CSMD1: variants seen among roughly 807,000 people sequenced by gnomAD.
CSMD1 encodes the protein CUB and sushi domain-containing protein 1.
In CSMD1, 213 loss-of-function variants were observed where a neutral mutation model predicts 417.5. The observed-to-expected ratio is 0.51, with a 90% CI of 0.46 to 0.57. The LOEUF is 0.57. CSMD1 is among the 20% of genes least tolerant of loss of function. The probability of loss-of-function intolerance (pLI) is 0.00; values close to 1 mark genes in which losing one functional copy is unlikely to be tolerated. For missense variants in CSMD1, 6,923 were observed against 4,529.7 expected, an observed-to-expected ratio of 1.53 and a Z score of -15.17; for synonymous variants, 2,862 against 1,736.8, an observed-to-expected ratio of 1.65 and a Z score of -16.11.
chr8:3,108,733 C>A lies in CSMD1; in HGVS notation c.6624G>T (p.Gln2208His), dbSNP rs1295333078. The change falls in exon 44 of 70, where the codon CAG becomes CAT. Residue 2208 changes from glutamine (Q) to histidine (H), a missense_variant. Coordinates refer to ENST00000635120, the MANE Select transcript of CSMD1 (RefSeq NM_033225.6). The part of the protein sequence containing the change: ...DYIAVWDGPD[Q>H]NSPQLGVFSG... The stretch of plus-strand genomic sequence containing the variant: ...TGAAAACTCCCAGCTGGGGTGAGTT[C>A]TGATCGGGACCGTCCCTAGGAAAGA... 1 of 1,613,180 alleles carries A rather than the reference C, an allele frequency of 6.2e-7. No individual in the cohort carries two copies. The highest frequency in any genetic ancestry group is 8.5e-7 in the Non-Finnish European group (1 of 1,179,500).
intron 3 of CSMD1, among the ~76,000 whole-genome samples, chr8:4,050,208 G>C (rs202172287): frequency 1.3e-5 from 2 of 152,044 alleles, no homozygotes; most frequent in Non-Finnish European, 2.9e-5. Context: ...CACTTGGCTA[G>C]GGTCGTGTTT....
chr8:3,978,695 A>G (rs1358757138), intron 5 of CSMD1, among the ~76,000 whole-genome samples: 1 of 152,088 alleles, frequency 6.6e-6, no homozygotes, highest in African/African-American at 2.4e-5. Context: ...GGCTCTACTT[A>G]TCACTAATTG....
At chr8:3,552,146 C>A (rs1341504822) in intron 10 of CSMD1, among the ~76,000 whole-genome samples, 1 of 152,202 alleles carries the variant, frequency 6.6e-6, no homozygotes, top group Non-Finnish European at 1.5e-5. Context: ...TTCATCCCAT[C>A]TTCTAAGAGA....
chr8:4,119,322 C>A (rs1802345700), intron 3 of CSMD1, among the ~76,000 whole-genome samples: 1 of 152,080 alleles, frequency 6.6e-6, no homozygotes, highest in African/African-American at 2.4e-5. Context: ...AATTACTAAT[C>A]AAAGTTTGGT....
intron 2 of CSMD1, among the ~76,000 whole-genome samples, chr8:4,590,911 A>C (rs1200290746): frequency 6.6e-6 from 1 of 152,228 alleles, no homozygotes; most frequent in Non-Finnish European, 1.5e-5. Context: ...GTGATACAAC[A>C]ATGCTCTCAG....
intron 52 of CSMD1, among the ~76,000 whole-genome samples, chr8:3,001,799 C>T (rs1364509499): frequency 6.6e-6 from 1 of 152,190 alleles, no homozygotes; most frequent in African/African-American, 2.4e-5. Context: ...CAACAGGGAA[C>T]ACAACCAATG....
At chr8:4,465,904 C>T (rs1800138072) in intron 2 of CSMD1, among the ~76,000 whole-genome samples, 2 of 152,190 alleles carry the variant, frequency 1.3e-5, no homozygotes, top group African/African-American at 2.4e-5. Context: ...CACTAACAAA[C>T]TCACAGCCAT....
At chr8:4,395,619 C>G (rs988589478) in intron 3 of CSMD1, among the ~76,000 whole-genome samples, 2 of 152,020 alleles carry the variant, frequency 1.3e-5, no homozygotes. Flanking sequence ...AATATTGCCC[C>G]CATTATACTA....
chr8:3,545,964 C>T (rs920193615), intron 10 of CSMD1, among the ~76,000 whole-genome samples: 3 of 152,140 alleles, frequency 2.0e-5, no homozygotes, highest in Admixed American at 6.5e-5. Flanking sequence ...AAAGGTTTAG[C>T]TCCTAAGCCA....
In CSMD1 at chr8:3,187,884, G is replaced by T. The variant is rs1284882125; in HGVS notation, c.5605C>A (p.Leu1869Met). 9 of 1,612,676 alleles carry T rather than the reference G, an allele frequency of 5.6e-6. No individual in the cohort carries two copies. Among genetic ancestry groups the T allele is most frequent in the African/African-American group, 1.3e-5 (1 of 74,804 alleles). The change falls in exon 36 of 70, where the codon CTG becomes ATG. Residue 1869 changes from leucine (L) to methionine (M), a missense_variant. Leu to Met is a conservative substitution (Grantham distance 15). Coordinates refer to ENST00000635120, the MANE Select transcript of CSMD1 (RefSeq NM_033225.6). ...TCCATCTTACCTGAGAAGCTTCCCA[G>T]TCTGGGTGCGGTCACATCCCCACCA... is the stretch of plus-strand genomic sequence containing the variant. Reference protein sequence around the residue: ...HDGGDVTAPRLGSFSGTTVPA... With the variant: ...HDGGDVTAPRMGSFSGTTVPA...
intron 1 of CSMD1, among the ~76,000 whole-genome samples, chr8:4,991,576 G>C (rs1364297543): frequency 6.6e-6 from 1 of 152,144 alleles, no homozygotes; most frequent in Non-Finnish European, 1.5e-5. Context: ...GCCCACGGCA[G>C]TGGCCGGGCG....
intron 1 of CSMD1, among the ~76,000 whole-genome samples, chr8:4,756,669 G>T (rs1436875184): frequency 6.6e-6 from 1 of 152,158 alleles, no homozygotes; most frequent in African/African-American, 2.4e-5. Context: ...AGAAAAAATA[G>T]AAGCTAGACA....
chr8:3,020,755 C>G lies in CSMD1; in HGVS notation c.7856-2105G>C, dbSNP rs757997530. Among the ~76,000 whole-genome samples the G allele has an allele frequency of 6.6e-5, 10 of 152,260 alleles. No individual in the cohort carries two copies. The South Asian group carries it at 8.3e-4, about 13-fold the overall frequency. On this transcript the variant is annotated intron_variant, in intron 51 of 69. Transcript: ENST00000635120. ...ACTGAGTTTTCTGTGGGGTGCACTACCAGAAATTGGGAGGTCCAACTCGAG... is the reference window on the plus strand; with the variant it reads ...ACTGAGTTTTCTGTGGGGTGCACTAGCAGAAATTGGGAGGTCCAACTCGAG...
At chr8:4,078,741 T>C (rs1331756541) in intron 3 of CSMD1, among the ~76,000 whole-genome samples, 2 of 150,980 alleles carry the variant, frequency 1.3e-5, no homozygotes, top group Admixed American at 1.3e-4. Context: ...GCAACCCTTG[T>C]ATTTAAATTT....
intron 37 of CSMD1, among the ~76,000 whole-genome samples, chr8:3,174,531 T>A (rs984861847): frequency 6.6e-6 from 1 of 152,174 alleles, no homozygotes; most frequent in Non-Finnish European, 1.5e-5. Flanking sequence ...AATTGAGACA[T>A]AAAGATCACT....
intron 3 of CSMD1, among the ~76,000 whole-genome samples, chr8:4,187,668 C>T: frequency 1.3e-5 from 1 of 74,422 alleles, no homozygotes; most frequent in African/African-American, 5.5e-5. Context: ...AAGAGTGAAA[C>T]TCCGTCTCAA....
At chr8:3,899,063 A>G (rs2129132286) in intron 5 of CSMD1, among the ~76,000 whole-genome samples, 1 of 152,316 alleles carries the variant, frequency 6.6e-6, no homozygotes, top group East Asian at 1.9e-4. Context: ...AGGTCAATAA[A>G]ATGAGGAATA....
intron 6 of CSMD1, among the ~76,000 whole-genome samples, chr8:3,745,059 T>G (rs944593195): frequency 6.6e-6 from 1 of 152,200 alleles, no homozygotes; most frequent in Non-Finnish European, 1.5e-5. Flanking sequence ...TAATTCAACA[T>G]GTTAACAACC....
chr8:4,124,788 G>A (rs531929780), intron 3 of CSMD1, among the ~76,000 whole-genome samples: 1 of 152,164 alleles, frequency 6.6e-6, no homozygotes, highest in Non-Finnish European at 1.5e-5. Context: ...GGAAGTTTAA[G>A]CTCTAGTTGC....
Sources: allele counts gnomAD v4.1 joint callset (sites outside exome capture counted in the v4.1 genomes callset), GRCh38; gene constraint gnomAD v4.1.1; transcripts MANE v1.5; gene names NCBI Gene and HGNC (gene_info 2026-07-23, HGNC 2026-07-21).